Variants in ARHGAP15 observed in about 807,000 individuals in gnomAD.
ARHGAP15 encodes the protein Rho GTPase activating protein 15, also known as rho GTPase-activating protein 15.
ARHGAP15 carries 51 observed loss-of-function variants against 63.7 expected under a neutral mutation model. That is an observed-to-expected ratio of 0.80 (90% CI 0.64 to 1.01). ARHGAP15 has a LOEUF of 1.01. Among genes scored for constraint, ARHGAP15 ranks in the 50% least tolerant of loss-of-function variants. The probability of loss-of-function intolerance (pLI) is 0.00; values close to 1 mark genes in which losing one functional copy is unlikely to be tolerated. For synonymous variants in ARHGAP15, 191 were observed against 193.8 expected (o/e 0.99, Z 0.12); for missense variants, 560 against 564.6 (o/e 0.99, Z 0.08).
intron 13 of ARHGAP15, among the ~76,000 whole-genome samples, chr2:143,723,252 T>A (rs1008935625): frequency 3.9e-5 from 6 of 152,222 alleles, no homozygotes; most frequent in African/African-American, 1.4e-4. Flanking sequence ...TTTATCAGAA[T>A]GTATCCCCCT....
At chr2:143,651,714 T>A (rs1681173416) in intron 12 of ARHGAP15, among the ~76,000 whole-genome samples, 1 of 152,006 alleles carries the variant, frequency 6.6e-6, no homozygotes, top group Admixed American at 6.6e-5. Flanking sequence ...TTCCTCCACA[T>A]CCTCATTAAC....
chr2:143,517,990 G>T (rs1244335267), intron 9 of ARHGAP15, among the ~76,000 whole-genome samples: 1 of 152,168 alleles, frequency 6.6e-6, no homozygotes, highest in Non-Finnish European at 1.5e-5. Flanking sequence ...TAGGGACTTT[G>T]ATTTCATTCT....
chr2:143,514,076 C>T (rs1413247801), intron 9 of ARHGAP15, among the ~76,000 whole-genome samples: 1 of 152,182 alleles, frequency 6.6e-6, no homozygotes, highest in Non-Finnish European at 1.5e-5. Flanking sequence ...TAAACCCTCA[C>T]TATTTTTTTA....
At chr2:143,750,493 T>A (rs889369821) in intron 13 of ARHGAP15, among the ~76,000 whole-genome samples, 26 of 152,228 alleles carry the variant, frequency 1.7e-4, no homozygotes, top group African/African-American at 6.0e-4. Flanking sequence ...CATACATTTT[T>A]AAATTTAATC....
intron 6 of ARHGAP15, among the ~76,000 whole-genome samples, chr2:143,373,629 C>CAAAAAAAAA (rs58153000): frequency 1.7e-4 from 11 of 62,966 alleles, no homozygotes; most frequent in Non-Finnish European, 2.8e-4. Context: ...GACTCTATCT[C>CAAAAAAAAA]AAAAAAAAAA....
chr2:143,744,472 AT>A (rs967262575), intron 13 of ARHGAP15, among the ~76,000 whole-genome samples: 1 of 152,282 alleles, frequency 6.6e-6, no homozygotes, highest in East Asian at 1.9e-4. Context: ...TCAACAAGGG[AT>A]TTTTTTAATC....
intron 6 of ARHGAP15, among the ~76,000 whole-genome samples, chr2:143,421,780 ATATATATATATATATATATATG>A (rs1437120279): frequency 0.11 from 2,295 of 20,434 alleles, 56 homozygotes; most frequent in African/African-American, 0.16. Context: ...ATATATATAT[ATATATATATATATATATATATG>A]TGTGTGTTTC....
At chr2:143,340,895 G>T (rs1236681973) in intron 6 of ARHGAP15, among the ~76,000 whole-genome samples, 1 of 152,140 alleles carries the variant, frequency 6.6e-6, no homozygotes, top group African/African-American at 2.4e-5. Context: ...AAACGGCTAA[G>T]TGGAAAACTA....
chr2:143,259,508 A>G (rs1471618360), intron 6 of ARHGAP15, among the ~76,000 whole-genome samples: 1 of 152,210 alleles, frequency 6.6e-6, no homozygotes, highest in Non-Finnish European at 1.5e-5. Context: ...TTATTAACAT[A>G]GGAAATCTTA....
intron 11 of ARHGAP15, among the ~76,000 whole-genome samples, chr2:143,562,267 AAGAG>A (rs1211769959): frequency 2.6e-5 from 4 of 152,214 alleles, no homozygotes; most frequent in African/African-American, 4.8e-5. Flanking sequence ...GAATAAAAGA[AAGAG>A]AAAGTGAGAA....
At chr2:143,352,766 A>AT (rs201836160) in intron 6 of ARHGAP15, among the ~76,000 whole-genome samples, 3,356 of 152,328 alleles carry the variant, frequency 0.022, 52 homozygotes, top group Non-Finnish European at 0.037. Flanking sequence ...TTTACAAATT[A>AT]TTTTGCATGA....
intron 13 of ARHGAP15, among the ~76,000 whole-genome samples, chr2:143,762,130 G>A (rs1454400184): frequency 3.3e-5 from 5 of 152,010 alleles, no homozygotes; most frequent in Non-Finnish European, 7.4e-5. Flanking sequence ...TAAACTTTGA[G>A]CTCTTCATGT....
chr2:143,195,051 A>G lies in ARHGAP15; in HGVS notation c.166-7083A>G, dbSNP rs552136032. ...AGGTGATGCAGATGTTTATAAAAAA[A>G]AATCCACACTTTTTTAAAAATCTGA... is the stretch of plus-strand genomic sequence containing the variant. On this transcript the variant is annotated intron_variant, in intron 2 of 13. Coordinates refer to ENST00000295095, the MANE Select transcript of ARHGAP15 (RefSeq NM_018460.4). Among the ~76,000 whole-genome samples, 4 of 152,316 alleles carry G rather than the reference A, an allele frequency of 2.6e-5. No individual in the cohort carries two copies. In the East Asian group the frequency reaches 7.7e-4, roughly 29 times the overall value.
intron 11 of ARHGAP15, among the ~76,000 whole-genome samples, chr2:143,599,191 C>A (rs1293359993): frequency 2.6e-5 from 4 of 152,084 alleles, no homozygotes; most frequent in African/African-American, 9.7e-5. Context: ...TGGAGTAAAT[C>A]ATGTATTTGT....
At chr2:143,648,870 G>C (rs1681025742) in intron 12 of ARHGAP15, 2 of 151,904 alleles carry the variant, frequency 1.3e-5, no homozygotes, top group African/African-American at 2.4e-5. Context: ...CTATCTTTTT[G>C]CCATTCTGGG....
At chr2:143,621,098 T>C (rs1022443292) in intron 11 of ARHGAP15, among the ~76,000 whole-genome samples, 1 of 152,180 alleles carries the variant, frequency 6.6e-6, no homozygotes. Flanking sequence ...CGTGGCAATC[T>C]CTAGACACAA....
intron 12 of ARHGAP15, among the ~76,000 whole-genome samples, chr2:143,698,223 A>G (rs1360833741): frequency 1.3e-5 from 2 of 152,174 alleles, no homozygotes; most frequent in Non-Finnish European, 2.9e-5. Flanking sequence ...GGCATGGATG[A>G]TAAGGACAGA....
chr2:143,425,174 T>C (rs1045343897), intron 6 of ARHGAP15, among the ~76,000 whole-genome samples: 12 of 152,220 alleles, frequency 7.9e-5, no homozygotes, highest in Admixed American at 1.3e-4. Context: ...TGTTAAGATA[T>C]TTTTGCACAC....
At chr2:143,373,629 CAAAAA>C (rs58153000) in intron 6 of ARHGAP15, among the ~76,000 whole-genome samples, 2 of 62,954 alleles carry the variant, frequency 3.2e-5, no homozygotes, top group African/African-American at 5.2e-5. Flanking sequence ...GACTCTATCT[CAAAAA>C]AAAAAAAAAA....
Sources: allele counts gnomAD v4.1 joint callset (sites outside exome capture counted in the v4.1 genomes callset), GRCh38; gene constraint gnomAD v4.1.1; transcripts MANE v1.5; gene names NCBI Gene and HGNC (gene_info 2026-07-23, HGNC 2026-07-21).